The following OR51M1 variants were observed in gnomAD, a reference collection of about 807,000 sequenced individuals.
OR51M1 encodes olfactory receptor 51M1.
For missense variants in OR51M1, 509 were observed against 404.4 expected, an observed-to-expected ratio of 1.26 and a Z score of -2.22; for synonymous variants, 199 against 155.1, an observed-to-expected ratio of 1.28 and a Z score of -2.10.
In OR51M1 at chr11:5,390,775, C is replaced by G. The variant is rs764532487; in HGVS notation, c.*396C>G. 1 of 165,510 alleles carries G rather than the reference C, an allele frequency of 6.0e-6. No homozygotes were observed. Among genetic ancestry groups the G allele is most frequent in the South Asian group, 1.7e-4 (1 of 5,906 alleles). 10.3% of individuals were successfully genotyped at this position (165,510 alleles called of 1,614,324 possible). A position where few individuals can be genotyped will look rare whatever the true frequency, so the allele number is the denominator to read the frequency against. On this transcript the variant is annotated 3_prime_UTR_variant, in exon 3 of 3. Transcript: ENST00000642046. ...CTAACTCACCTCCGGAAATACACCTCCTTCCATGGTTCCTTGGGACTGCTT... is the reference window on the plus strand; with the variant it reads ...CTAACTCACCTCCGGAAATACACCTGCTTCCATGGTTCCTTGGGACTGCTT...
rs1352900534 is a variant in OR51M1, at chr11:5,390,269, G to C, written c.871G>C (p.Val291Leu). The C allele has an allele frequency of 6.2e-7, 1 of 1,613,906 alleles. No homozygotes were observed. Among genetic ancestry groups the C allele is most frequent in the Non-Finnish European group, 8.5e-7 (1 of 1,179,904 alleles). ...PPAIHLLMAN[V>L]YLFVPPMLNP... is the part of the protein sequence containing the mutation. Reference sequence around the variant, plus strand: ...TGCTATTCATCTTCTTATGGCCAATGTCTACCTTTTTGTGCCTCCCATGCT... The same window carrying C: ...TGCTATTCATCTTCTTATGGCCAATCTCTACCTTTTTGTGCCTCCCATGCT... Residue 291 changes from valine to leucine, a missense_variant, in exon 3 of 3, where the codon GTC becomes CTC. Physicochemically the swap from Val to Leu is conservative, Grantham distance 32. Coordinates refer to ENST00000642046, the MANE Select transcript of OR51M1 (RefSeq NM_001004756.3).
At position 5,390,115 on chromosome 11, in the gene OR51M1, C is replaced by T. The variant is rs1463714636; in HGVS notation, c.717C>T (p.Gly239=). ...GACTCATCCTGCACACAGTAGCAGG[C>T]CTGGCCTCCCAAGAGGAGCAGCGCC... ...SYGLILHTVA[G]LASQEEQRRA... is the part of the protein sequence containing the mutation. Residue 239 remains glycine (G), a synonymous_variant, in exon 3 of 3, where the codon GGC becomes GGT. Transcript: ENST00000642046. 1.9e-6 allele frequency: 3 copies of T among 1,613,700 alleles called. No homozygotes were observed. Among genetic ancestry groups the T allele is most frequent in the South Asian group, 1.1e-5 (1 of 91,084 alleles).
Position 5,390,352 on chromosome 11 carries a change from C to T in OR51M1, c.954C>T (p.Phe318=), listed in dbSNP as rs1284963836. Residue 318 remains phenylalanine, a synonymous_variant, in exon 3 of 3, where the codon TTC becomes TTT. Coordinates refer to ENST00000642046, the MANE Select transcript of OR51M1 (RefSeq NM_001004756.3). ...TKEIHRAIIK[F]LGLKKASK is the part of the protein sequence containing the mutation. ...AGATCCACCGTGCCATTATCAAGTT[C>T]CTAGGTCTTAAAAAGGCCAGTAAAT... is the stretch of plus-strand genomic sequence containing the variant. The T allele has an allele frequency of 6.2e-7, 1 of 1,605,536 alleles. No individual in the cohort carries two copies. The highest frequency in any genetic ancestry group is 8.5e-7 in the Non-Finnish European group (1 of 1,175,396).
Position 5,391,930 on chromosome 11 carries a change from G to C in OR51M1, c.*1551G>C, listed in dbSNP as rs547695528. On this transcript the variant is annotated 3_prime_UTR_variant, in exon 3 of 3. Coordinates refer to ENST00000642046, the MANE Select transcript of OR51M1 (RefSeq NM_001004756.3). Reference sequence around the variant, plus strand: ...CAAAAAAAATTAAAATTAGCCATGTGTGGCGGTGCACGTCTGTAGTCTCAG... The same window carrying C: ...CAAAAAAAATTAAAATTAGCCATGTCTGGCGGTGCACGTCTGTAGTCTCAG... 1.3e-5 allele frequency: 2 copies of C among 152,302 alleles called. No homozygotes were observed. Among genetic ancestry groups the C allele is most frequent in the African/African-American group, 4.8e-5 (2 of 41,534 alleles). 9.4% of individuals were successfully genotyped at this position (152,302 alleles called of 1,614,324 possible).
In OR51M1 at chr11:5,390,246, C is replaced by G. The variant is rs371032688; in HGVS notation, c.848C>G (p.Ala283Gly). The stretch of plus-strand genomic sequence containing the variant: ...CGTTTTGGGAAGCATGCCCCACCTG[C>G]TATTCATCTTCTTATGGCCAATGTC... ...VHRFGKHAPPAIHLLMANVYL... is the reference protein window; with the variant it reads ...VHRFGKHAPPGIHLLMANVYL... Residue 283 changes from alanine (A) to glycine (G), a missense_variant, in exon 3 of 3, where the codon GCT (alanine) becomes GGT (glycine). Transcript: ENST00000642046. 56 of 1,613,900 alleles carry G rather than the reference C, an allele frequency of 3.5e-5. No homozygotes were observed. Among genetic ancestry groups the G allele is most frequent in the African/African-American group, 4.0e-5 (3 of 74,936 alleles).
chr11:5,390,378 G>A lies in OR51M1; in HGVS notation c.980G>A (p.Ter327=), dbSNP rs539847205. ...KFLGLKKASK[*] ...CTAGGTCTTAAAAAGGCCAGTAAATGAGTCCTGGGGCTAAAACTCCCCCTA... is the reference window on the plus strand; with the variant it reads ...CTAGGTCTTAAAAAGGCCAGTAAATAAGTCCTGGGGCTAAAACTCCCCCTA... Residue 327 remains the stop codon, a stop_retained_variant, in exon 3 of 3, where the codon TGA becomes TAA. Transcript: ENST00000642046. 107 of 1,585,520 alleles carry A rather than the reference G, an allele frequency of 6.7e-5. No homozygotes were observed. The South Asian group carries it at 1.1e-3, about 16-fold the overall frequency.
chr11:5,388,856 CAG>C (rs1473961906), intron 2 of OR51M1, among the ~76,000 whole-genome samples: 1 of 151,764 alleles, frequency 6.6e-6, no homozygotes, highest in Non-Finnish European at 1.5e-5. Flanking sequence ...ATTCAGTAAA[CAG>C]AAACCCTAGG....
intron 1 of OR51M1, among the ~76,000 whole-genome samples, chr11:5,384,884 C>A (rs1849662408): frequency 6.6e-6 from 1 of 152,194 alleles, no homozygotes; most frequent in South Asian, 2.1e-4. Context: ...AGTTTGACCA[C>A]TGTGGAAATG....
intron 2 of OR51M1, among the ~76,000 whole-genome samples, 165 bp from the exon 3 acceptor site, chr11:5,389,219 G>C (rs1229549122): frequency 1.3e-5 from 2 of 152,192 alleles, no homozygotes; most frequent in Non-Finnish European, 2.9e-5. Flanking sequence ...AAACTGGTGA[G>C]GGCGAGGTTA....
At position 5,390,205 on chromosome 11, in the gene OR51M1, G is replaced by A. The variant is rs960188590; in HGVS notation, c.807G>A (p.Gly269=). The change falls in exon 3 of 3, where the codon GGG becomes GGA. Residue 269 remains glycine, a synonymous_variant. Transcript: ENST00000642046. ...TAGTATTCTTTGTGCCCATGATGGG[G>A]CTGTCCCTGGTGCACCGTTTTGGGA... The part of the protein sequence containing the change: ...AVLVFFVPMM[G]LSLVHRFGKH... 1.2e-6 allele frequency: 2 copies of A among 1,613,984 alleles called. No individual in the cohort carries two copies. The highest frequency in any genetic ancestry group is 1.7e-6 in the Non-Finnish European group (2 of 1,179,890).
chr11:5,389,944 A>T lies in OR51M1; in HGVS notation c.546A>T (p.Gly182=), dbSNP rs188502731. The change falls in exon 3 of 3, where the codon GGA becomes GGT. Residue 182 remains glycine (G), a synonymous_variant. Transcript: ENST00000642046. ...TCCTGAAGGCTTTTCCCTACTGTGG[A>T]TCTGTGGTCCTCTCCCACTCATTTT... ...VLLLKAFPYC[G]SVVLSHSFCL... 3.0e-5 allele frequency: 49 copies of T among 1,611,194 alleles called. No individual in the cohort carries two copies. In the African/African-American group the frequency reaches 5.7e-4, roughly 19 times the overall value.
chr11:5,388,369 G>A (rs1451841228), intron 2 of OR51M1, among the ~76,000 whole-genome samples: 2 of 151,696 alleles, frequency 1.3e-5, no homozygotes, highest in Admixed American at 6.6e-5. Context: ...GAACACATAG[G>A]AGAGGGTATT....
At position 5,390,944 on chromosome 11, in the gene OR51M1, T is replaced by G. The variant is rs1192140110; in HGVS notation, c.*565T>G. 1.3e-5 allele frequency: 2 copies of G among 153,258 alleles called. No individual in the cohort carries two copies. Among genetic ancestry groups the G allele is most frequent in the Non-Finnish European group, 2.9e-5 (2 of 68,936 alleles). The allele number at this position is 153,258 out of a possible 1,614,324, so 9.5% of individuals were successfully genotyped here. On this transcript the variant is annotated 3_prime_UTR_variant, in exon 3 of 3. Coordinates refer to ENST00000642046, the MANE Select transcript of OR51M1 (RefSeq NM_001004756.3). ...GTTTCAAGCAACACCCCCCCAAATT[T>G]CTAAGGTTGTGCTCTCTCCTGACCA...
chr11:5,387,068 A>G (rs944668334), intron 2 of OR51M1, among the ~76,000 whole-genome samples: 2 of 152,196 alleles, frequency 1.3e-5, no homozygotes, highest in African/African-American at 4.8e-5. Context: ...CCACCACTGT[A>G]TAAGTAATAA....
chr11:5,388,071 G>A (rs1470634329), intron 2 of OR51M1, among the ~76,000 whole-genome samples: 1 of 151,860 alleles, frequency 6.6e-6, no homozygotes, highest in Non-Finnish European at 1.5e-5. Flanking sequence ...ATTTCAATAT[G>A]TATTTATTGA....
chr11:5,389,718 G>C lies in OR51M1; in HGVS notation c.320G>C (p.Gly107Ala), dbSNP rs768289785. ...FWFNSHSIYF[G>A]ACQIQMFCIH... The stretch of plus-strand genomic sequence containing the variant: ...TTTAACTCCCATAGTATCTACTTTG[G>C]AGCGTGTCAAATCCAGATGTTCTGC... Residue 107 changes from glycine to alanine, a missense_variant, in exon 3 of 3, where the codon GGA (glycine) becomes GCA (alanine). Physicochemically the swap from Gly to Ala is moderately conservative, Grantham distance 60. Transcript: ENST00000642046. The C allele has an allele frequency of 1.9e-6, 3 of 1,613,834 alleles. No homozygotes were observed. In the East Asian group the frequency reaches 6.7e-5, roughly 36 times the overall value.
chr11:5,386,721 G>GA (rs1564795985), intron 2 of OR51M1, among the ~76,000 whole-genome samples: 1 of 151,900 alleles, frequency 6.6e-6, no homozygotes, highest in Non-Finnish European at 1.5e-5. Context: ...AGCAGGTGTG[G>GA]AAAAGCTAAG....
chr11:5,387,562 A>T (rs1253263004), intron 2 of OR51M1, among the ~76,000 whole-genome samples: 1 of 152,098 alleles, frequency 6.6e-6, no homozygotes, highest in East Asian at 1.9e-4. Context: ...AGCTTGCGTG[A>T]CCTGCAAGAT....
chr11:5,393,074 T>C lies in OR51M1; in HGVS notation c.*2695T>C, dbSNP rs1474588566. 6.6e-6 allele frequency: 1 copy of C among 152,226 alleles called. No individual in the cohort carries two copies. The highest frequency in any genetic ancestry group is 1.9e-4 in the East Asian group (1 of 5,202). 9.4% of individuals were successfully genotyped at this position (152,226 alleles called of 1,614,324 possible). On this transcript the variant is annotated 3_prime_UTR_variant, in exon 3 of 3. Transcript: ENST00000642046. ...ATATTCATGCTCTGTGTCTCAGAAATGCCACTTCTAAAAATCTGTCCTAAA... is the reference window on the plus strand; with the variant it reads ...ATATTCATGCTCTGTGTCTCAGAAACGCCACTTCTAAAAATCTGTCCTAAA...
Sources: allele counts gnomAD v4.1 joint callset (sites outside exome capture counted in the v4.1 genomes callset), GRCh38; gene constraint gnomAD v4.1.1; transcripts MANE v1.5; gene names NCBI Gene and HGNC (gene_info 2026-07-23, HGNC 2026-07-21).